Variants in RRP12 observed in about 807,000 individuals in gnomAD.
RRP12 encodes ribosomal RNA processing 12 homolog, also known as RRP12-like protein.
Under a neutral mutation model 157.3 loss-of-function variants are expected in RRP12, and 78 were observed. The observed-to-expected ratio is 0.50, with a 90% CI of 0.41 to 0.60. The LOEUF (loss-of-function observed/expected upper bound fraction) is 0.60, where lower values mean the gene tolerates loss of function less well. Ranked by LOEUF, RRP12 falls within the 20% of genes least tolerant of loss-of-function variation. RRP12 has a pLI of 0.00. For synonymous variants in RRP12, 726 were observed against 670.9 expected (o/e 1.08, Z -1.27); for missense variants, 1,521 against 1,679.9 (o/e 0.91, Z 1.65).
chr10:97,357,016 C>G lies in RRP12; in HGVS notation c.*78G>C. On this transcript the variant is annotated 3_prime_UTR_variant, in exon 34 of 34. Transcript: ENST00000370992. Reference sequence around the variant, plus strand: ...CAGGCTCTGCCAGAATCTTGAGCACCTGGAGCTGGTGGCAAGGCAGCCTGG... The same window carrying G: ...CAGGCTCTGCCAGAATCTTGAGCACGTGGAGCTGGTGGCAAGGCAGCCTGG... The G allele has an allele frequency of 2.5e-6, 2 of 784,570 alleles. No individual in the cohort carries two copies. The highest frequency in any genetic ancestry group is 4.3e-6 in the Non-Finnish European group (2 of 463,524). 48.6% of individuals were successfully genotyped at this position (784,570 alleles called of 1,614,324 possible). A position where few individuals can be genotyped will look rare whatever the true frequency, so the allele number is the denominator to read the frequency against.
rs1196093288 is a variant in RRP12 at position 97,398,245 on chromosome 10, G to A, written c.370-1944C>T. ...AATTTTTTGTATTTTTAGTAGAGAC[G>A]GGGTTTCACCTTGTTAGCCAGGATG... is the stretch of plus-strand genomic sequence containing the variant. On this transcript the variant is annotated intron_variant, in intron 2 of 33. Coordinates refer to ENST00000370992, the MANE Select transcript of RRP12 (RefSeq NM_015179.4). 5.1e-4 allele frequency among the ~76,000 whole-genome samples: 49 copies of A among 97,022 alleles called. 11 individuals carry two copies. The highest frequency in any genetic ancestry group is 2.1e-3 in the African/African-American group (42 of 20,120). 63.7% of individuals were successfully genotyped at this position (97,022 alleles called of 152,430 possible).
At position 97,388,254 on chromosome 10, in the gene RRP12, C is replaced by T. The variant is rs774675665; in HGVS notation, c.1015G>A (p.Val339Met). ...CCAGCTTTTGGGCCTGAGCTCACCACATGGCTCAAGGTCATGACCCTGAGG... is the reference window on the plus strand; with the variant it reads ...CCAGCTTTTGGGCCTGAGCTCACCATATGGCTCAAGGTCATGACCCTGAGG... Reference protein sequence around the residue: ...TLLRVMTLSHVLVTACAMQAF... With the variant: ...TLLRVMTLSHMLVTACAMQAF... The change falls in exon 8 of 34, where the codon GTG (valine) becomes ATG (methionine). Residue 339 changes from valine (V) to methionine (M), a missense_variant and splice_region_variant. Physicochemically the swap from Val to Met is conservative, Grantham distance 21. Coordinates refer to ENST00000370992, the MANE Select transcript of RRP12 (RefSeq NM_015179.4). The T allele has an allele frequency of 1.1e-5, 17 of 1,613,900 alleles. No individual in the cohort carries two copies. The highest frequency in any genetic ancestry group is 1.4e-5 in the Non-Finnish European group (16 of 1,180,040).
At chr10:97,392,946 C>T (rs763327573) in intron 4 of RRP12, among the ~76,000 whole-genome samples, 2 of 152,010 alleles carry the variant, frequency 1.3e-5, no homozygotes, top group Non-Finnish European at 2.9e-5. Flanking sequence ...CCACCTCAGC[C>T]TCCCAAAGTG....
At chr10:97,371,178 G>C in intron 20 of RRP12, 97 bp from the exon 21 acceptor site, 1 of 1,287,280 alleles carries the variant, frequency 7.8e-7, no homozygotes, top group Non-Finnish European at 1.1e-6. Flanking sequence ...TCTGAGCAGG[G>C]GTCCGTGGGG....
rs1287636935 is a variant in RRP12, at chr10:97,370,710, A to C, written c.2583+6T>G. ...ACCCCCCTCTAAAACACACCCGCAC[A>C]CTCACCTCTGGGATGAGGGCAGTGA... On this transcript the variant is annotated splice_donor_region_variant and intron_variant, in intron 22 of 33. Coordinates refer to ENST00000370992, the MANE Select transcript of RRP12 (RefSeq NM_015179.4). The C allele has an allele frequency of 6.2e-7, 1 of 1,613,544 alleles. No individual in the cohort carries two copies. Among genetic ancestry groups the C allele is most frequent in the Admixed American group, 1.7e-5 (1 of 59,946 alleles).
chr10:97,380,969 C>G, intron 12 of RRP12, 56 bp from the exon 13 acceptor site: 1 of 1,410,144 alleles, frequency 7.1e-7, no homozygotes, highest in Non-Finnish European at 1.0e-6. Flanking sequence ...TGCCCCCCAC[C>G]AGAGAAAGTC....
chr10:97,370,399 C>A, intron 23 of RRP12, 56 bp downstream of exon 23: 1 of 1,402,760 alleles, frequency 7.1e-7, no homozygotes, highest in Non-Finnish European at 9.9e-7. Context: ...TTGAGGGGTG[C>A]TTCCCCCCAC....
chr10:97,400,242 G>T, intron 2 of RRP12, 63 bp downstream of exon 2: 1 of 1,257,586 alleles, frequency 8.0e-7, no homozygotes, highest in Non-Finnish European at 1.2e-6. Context: ...GGCCAGAGCT[G>T]AAGAAAAGGC....
At chr10:97,363,456 C>T (rs887043810) in intron 30 of RRP12, among the ~76,000 whole-genome samples, 18 of 152,174 alleles carry the variant, frequency 1.2e-4, no homozygotes, top group East Asian at 9.6e-4. Flanking sequence ...TACCTCTGTA[C>T]GCTCCTCTGG....
chr10:97,358,056 G>A (rs183744590), intron 33 of RRP12, among the ~76,000 whole-genome samples: 18 of 150,866 alleles, frequency 1.2e-4, no homozygotes, highest in Admixed American at 8.6e-4. Context: ...AGTTCAGGGC[G>A]GGGCACGGTG....
chr10:97,396,414 C>G (rs1049674384), intron 2 of RRP12, 113 bp from the exon 3 acceptor site: 3 of 807,494 alleles, frequency 3.7e-6, no homozygotes, highest in Admixed American at 4.0e-5. Flanking sequence ...CAGAGACAGA[C>G]AAGACAGGCA....
chr10:97,396,224 A>G lies in RRP12; in HGVS notation c.447T>C (p.Ala149=), dbSNP rs775578687. Residue 149 remains alanine, a synonymous_variant, in exon 3 of 34, where the codon GCT becomes GCC. Transcript: ENST00000370992. ...GGKETETEYF[A]ALMTTMEAVE... is the part of the protein sequence containing the mutation. ...TCCAGTGGCACCCACTCACCAGAGC[A>G]GCGAAGTACTCAGTCTCCGTCTCCT... The G allele has an allele frequency of 8.1e-6, 13 of 1,611,972 alleles. No individual in the cohort carries two copies. The highest frequency in any genetic ancestry group is 2.5e-6 in the Non-Finnish European group (3 of 1,178,176).
In RRP12 at chr10:97,370,500, C is replaced by T. The variant is rs200591514; in HGVS notation, c.2644G>A (p.Val882Met). 2.7e-5 allele frequency: 43 copies of T among 1,611,156 alleles called. No individual in the cohort carries two copies. The highest frequency in any genetic ancestry group is 6.7e-5 in the East Asian group (3 of 44,880). ...CTTAGGAAAGCATGGCCCATCTCCA[C>T]GAGCAGTGCAAAAGCGTTCTTCCGT... ...GARKNAFALL[V>M]EMGHAFLRFG... Residue 882 changes from valine (V) to methionine (M), a missense_variant, in exon 23 of 34, where the codon GTG becomes ATG. Transcript: ENST00000370992.
In RRP12 at chr10:97,376,250, T is replaced by C. The variant is rs931253106; in HGVS notation, c.1799-2356A>G. Among the ~76,000 whole-genome samples the C allele has an allele frequency of 1.4e-4, 19 of 136,252 alleles. 1 individual carries two copies. The highest frequency in any genetic ancestry group is 1.2e-3 in the Admixed American group (15 of 12,512). The allele number at this position is 136,252 out of a possible 152,430, so 89.4% of individuals were successfully genotyped here. A position where few individuals can be genotyped will look rare whatever the true frequency, so the allele number is the denominator to read the frequency against. ...TTTTTTTTGAGATGAAGTCTCGCTC[T>C]GTCTCCCAGGCTGGAGTGCAGTGGT... On this transcript the variant is annotated intron_variant, in intron 15 of 33. Transcript: ENST00000370992.
intron 12 of RRP12, 41 bp downstream of exon 12, chr10:97,381,345 G>T: frequency 6.9e-7 from 1 of 1,453,020 alleles, no homozygotes; most frequent in Non-Finnish European, 9.5e-7. Context: ...CTTTCCTCAA[G>T]GTACCACCAT....
chr10:97,363,919 A>G lies in RRP12; in HGVS notation c.3518-16T>C, dbSNP rs768610292. On this transcript the variant is annotated splice_polypyrimidine_tract_variant and intron_variant, in intron 29 of 33. Transcript: ENST00000370992. ...TCATCTTCGCCTGGAGCCAAAAAAGAGAGGCCCATGAGCGCTGTGGGAGCT... is the reference window on the plus strand; with the variant it reads ...TCATCTTCGCCTGGAGCCAAAAAAGGGAGGCCCATGAGCGCTGTGGGAGCT... The G allele has an allele frequency of 3.1e-6, 5 of 1,613,304 alleles. No individual in the cohort carries two copies. Among genetic ancestry groups the G allele is most frequent in the Non-Finnish European group, 3.4e-6 (4 of 1,179,366 alleles).
chr10:97,365,336 C>A (rs1226251389), intron 29 of RRP12, among the ~76,000 whole-genome samples: 1 of 148,738 alleles, frequency 6.7e-6, no homozygotes, highest in Non-Finnish European at 1.5e-5. Flanking sequence ...AGCAGTGGCA[C>A]AATCTTGGCT....
At chr10:97,361,207 T>C (rs1045558969) in intron 30 of RRP12, among the ~76,000 whole-genome samples, 2 of 152,150 alleles carry the variant, frequency 1.3e-5, no homozygotes, top group Non-Finnish European at 2.9e-5. Flanking sequence ...TCATGGACAG[T>C]AAGACACGTC....
At chr10:97,374,678 AG>A (rs1346639390) in intron 15 of RRP12, among the ~76,000 whole-genome samples, 1 of 150,514 alleles carries the variant, frequency 6.6e-6, no homozygotes, top group African/African-American at 2.4e-5. Context: ...AGGCTGAGGC[AG>A]GAGAATGGAG....
Sources: allele counts gnomAD v4.1 joint callset (sites outside exome capture counted in the v4.1 genomes callset), GRCh38; gene constraint gnomAD v4.1.1; transcripts MANE v1.5; gene names NCBI Gene and HGNC (gene_info 2026-07-23, HGNC 2026-07-21).